OVCH1: variants seen among roughly 807,000 people sequenced by gnomAD.
The protein encoded by OVCH1 is ovochymase-1.
A neutral mutation model predicts 138.4 loss-of-function variants in OVCH1; 139 were observed. The ratio of observed to expected loss-of-function variants is 1.00; its 90% CI spans 0.87 to 1.16. The LOEUF is 1.16. Among genes scored for constraint, OVCH1 ranks in the 50% most tolerant of loss-of-function variants. OVCH1 has a pLI of 0.00. For synonymous variants in OVCH1, 453 were observed against 467.8 expected (o/e 0.97, Z 0.41); for missense variants, 1,367 against 1,357.9 (o/e 1.01, Z -0.11).
At chr12:29,440,177 G>A (rs1941449036) in intron 25 of OVCH1, among the ~76,000 whole-genome samples, 1 of 152,146 alleles carries the variant, frequency 6.6e-6, no homozygotes, top group Middle Eastern at 3.2e-3. Flanking sequence ...TAGATGGGTA[G>A]AAGAGAAATA....
At chr12:29,425,903 T>C (rs1275868798), downstream of OVCH1, 1 of 152,178 alleles carries the variant, frequency 6.6e-6, no homozygotes, top group East Asian at 1.9e-4. Context: ...ATGCCCAGGA[T>C]GTCCACACCC....
chr12:29,422,928 A>G (rs143878572), downstream of OVCH1, among the ~76,000 whole-genome samples: 40 of 152,306 alleles, frequency 2.6e-4, no homozygotes, highest in African/African-American at 9.4e-4. Context: ...AAACGCACAT[A>G]CACAAATTAA....
chr12:29,418,578 A>G (rs1280246080), intron 3 of OVCH1, among the ~76,000 whole-genome samples: 2 of 152,212 alleles, frequency 1.3e-5, no homozygotes, highest in African/African-American at 4.8e-5. Context: ...CAAAGGTTCA[A>G]AATATAGAAG....
At chr12:29,458,666 T>A (rs2135962871) in intron 19 of OVCH1, among the ~76,000 whole-genome samples, 1 of 152,200 alleles carries the variant, frequency 6.6e-6, no homozygotes, top group Admixed American at 6.5e-5. Context: ...ATGTTAAAAA[T>A]CTTCTGCACT....
chr12:29,496,395 T>G, intron 2 of OVCH1, 117 bp from the exon 3 acceptor site: 2 of 1,164,742 alleles, frequency 1.7e-6, no homozygotes, highest in African/African-American at 3.1e-5. Flanking sequence ...AATACCGACA[T>G]AAATTGGATA....
chr12:29,467,012 C>CA (rs1357234660), intron 16 of OVCH1, among the ~76,000 whole-genome samples: 1 of 152,140 alleles, frequency 6.6e-6, no homozygotes, highest in Non-Finnish European at 1.5e-5. Flanking sequence ...CAATTCCTTG[C>CA]ATAATGGGTT....
chr12:29,439,907 A>G (rs971952084), intron 25 of OVCH1, among the ~76,000 whole-genome samples: 9 of 152,224 alleles, frequency 5.9e-5, no homozygotes, highest in African/African-American at 2.2e-4. Context: ...CCAATGAAAG[A>G]TGTATAGGGC....
At chr12:29,444,332 C>T (rs1941561981) in intron 23 of OVCH1, 52 bp from the exon 24 acceptor site, 1 of 1,552,568 alleles carries the variant, frequency 6.4e-7, no homozygotes, top group African/African-American at 1.4e-5. Context: ...TTTTAACAGG[C>T]TTCCTATATG....
intron 19 of OVCH1, among the ~76,000 whole-genome samples, chr12:29,457,713 A>AT (rs746834798): frequency 6.6e-6 from 1 of 152,056 alleles, no homozygotes; most frequent in Non-Finnish European, 1.5e-5. Context: ...ACAAATGAAT[A>AT]TTTTTTATTA....
chr12:29,469,854 G>A (rs1592081968), intron 16 of OVCH1, among the ~76,000 whole-genome samples: 1 of 152,150 alleles, frequency 6.6e-6, no homozygotes, highest in African/African-American at 2.4e-5. Flanking sequence ...GTCTGTGACA[G>A]AGAGACTGGT....
chr12:29,474,399 C>T (rs1241144931), intron 14 of OVCH1, among the ~76,000 whole-genome samples: 1 of 152,052 alleles, frequency 6.6e-6, no homozygotes, highest in East Asian at 1.9e-4. Flanking sequence ...GAGCAATGCA[C>T]ATAACTCCTA....
At chr12:29,445,759 A>G (rs1941597244) in intron 22 of OVCH1, among the ~76,000 whole-genome samples, 1 of 152,116 alleles carries the variant, frequency 6.6e-6, no homozygotes, top group Non-Finnish European at 1.5e-5. Context: ...ATGAAGATCT[A>G]TGATGGAAAA....
chr12:29,481,530 C>T (rs568760481), intron 8 of OVCH1, among the ~76,000 whole-genome samples: 1 of 152,304 alleles, frequency 6.6e-6, no homozygotes, highest in Non-Finnish European at 1.5e-5. Flanking sequence ...ATAACTAAGA[C>T]ATCCAGTGTA....
At chr12:29,464,956 C>T (rs924908485) in intron 17 of OVCH1, among the ~76,000 whole-genome samples, 191 bp downstream of exon 17, 2 of 152,150 alleles carry the variant, frequency 1.3e-5, no homozygotes, top group African/African-American at 2.4e-5. Flanking sequence ...ATTTGCAATT[C>T]TGACCTACTT....
chr12:29,435,332 T>G (rs1941338225), intron 26 of OVCH1, among the ~76,000 whole-genome samples: 1 of 151,972 alleles, frequency 6.6e-6, no homozygotes, highest in Non-Finnish European at 1.5e-5. Flanking sequence ...GTCACTGCAC[T>G]TGAGCCTAGA....
chr12:29,449,619 T>TA (rs1565578118), intron 22 of OVCH1, among the ~76,000 whole-genome samples: 1 of 152,152 alleles, frequency 6.6e-6, no homozygotes, highest in African/African-American at 2.4e-5. Flanking sequence ...ATTATCTTTA[T>TA]AGCAATTGTG....
chr12:29,441,557 A>G (rs1230263421), intron 25 of OVCH1, among the ~76,000 whole-genome samples: 2 of 152,210 alleles, frequency 1.3e-5, no homozygotes, highest in African/African-American at 4.8e-5. Flanking sequence ...GGACATAGAC[A>G]TGGGCAAGGA....
chr12:29,431,112 GAA>G (rs1327484410), intron 27 of OVCH1, among the ~76,000 whole-genome samples: 1 of 152,044 alleles, frequency 6.6e-6, no homozygotes, highest in Non-Finnish European at 1.5e-5. Flanking sequence ...GCTCATTATA[GAA>G]AGTTTCAAAA....
intron 7 of OVCH1, chr12:29,486,742 A>C (rs1012391136): frequency 6.3e-6 from 2 of 317,286 alleles, no homozygotes; most frequent in African/African-American, 4.4e-5. Flanking sequence ...AGGAAGCATT[A>C]TTTAAATAAA....
Sources: gnomAD v4.1 joint callset for allele counts (sites outside exome capture counted in the v4.1 genomes callset) on GRCh38, gnomAD v4.1.1 for gene constraint, MANE v1.5 for transcripts, NCBI Gene and HGNC (gene_info 2026-07-23, HGNC 2026-07-21) for gene names.